Variants in GTPBP6 observed in about 807,000 individuals in gnomAD.
GTPBP6 encodes the protein putative GTP-binding protein 6.
Under a neutral mutation model 28.9 loss-of-function variants are expected in GTPBP6, and 33 were observed. The observed-to-expected ratio is 1.14, with a 90% confidence interval of 0.87 to 1.53. The LOEUF is 1.53. Ranked by LOEUF, GTPBP6 falls within the 40% of genes most tolerant of loss-of-function variation. The pLI, the probability that GTPBP6 is intolerant of heterozygous loss-of-function variation, is 0.00. For missense variants in GTPBP6, 507 were observed against 408.3 expected (o/e 1.24, Z -2.08); for synonymous variants, 231 against 192.7 (o/e 1.20, Z -1.65).
At chrX:313,761 C>G (rs772072469) in intron 5 of GTPBP6, among the ~76,000 whole-genome samples, 72 of 152,258 alleles carry the variant, frequency 4.7e-4, no homozygotes, top group African/African-American at 1.7e-3. Flanking sequence ...ATGCCTGGAG[C>G]CCCCAGGAGC....
At chrX:311,740 G>A (rs1046683849) in intron 6 of GTPBP6, 113 bp from the exon 7 acceptor site, 27 of 841,868 alleles carry the variant, frequency 3.2e-5, no homozygotes, top group African/African-American at 2.0e-4. Flanking sequence ...GCCGCACCCC[G>A]GGCTACACGG....
At position 311,545 on chromosome X, in the gene GTPBP6, C is replaced by T. The variant is rs201868011; in HGVS notation, c.999G>A (p.Thr333=). The T allele has an allele frequency of 3.9e-4, 628 of 1,612,302 alleles. 7 individuals are homozygous for T. The South Asian group carries it at 4.0e-3, about 10-fold the overall frequency. Residue 333 remains threonine, a synonymous_variant, in exon 7 of 10, where the codon ACG becomes ACA. Coordinates refer to ENST00000326153, the Ensembl canonical transcript of GTPBP6. ...GTGAGGGCAGCGTGCCCGCGTGGGC[C>T]GTGACGTCCAGCGTGGCAAACAGCT...
At chrX:305,084 A>G in exon 10 of GTPBP6, 1 of 1,613,086 alleles carries the variant, frequency 6.2e-7, no homozygotes. Flanking sequence ...TCATCCTGGA[A>G]AGAGCTTCCG....
rs747391529 is a variant in GTPBP6 at position 308,934 on chromosome X, G to A, written c.1126-1054C>T. Among the ~76,000 whole-genome samples, 836 of 151,716 alleles carry A rather than the reference G, an allele frequency of 5.5e-3. 5 individuals carry two copies. Among genetic ancestry groups the A allele is most frequent in the Middle Eastern group, 0.017 (5 of 292 alleles). On this transcript the variant is annotated intron_variant, in intron 7 of 9. Coordinates refer to ENST00000326153, the Ensembl canonical transcript of GTPBP6. ...ATATTTTTAGTAGAGACGGGATTTC[G>A]CCGTGGTCTCGATCTCCTGACCTGA...
At chrX:310,178 G>C (rs1392473492) in intron 7 of GTPBP6, among the ~76,000 whole-genome samples, 1 of 148,980 alleles carries the variant, frequency 6.7e-6, no homozygotes, top group Non-Finnish European at 1.5e-5. Flanking sequence ...TTTGGAAACA[G>C]GGTCTCTGCA....
intron 9 of GTPBP6, 75 bp from the exon 10 acceptor site, chrX:305,272 C>T (rs28609216): frequency 2.6e-5 from 30 of 1,160,318 alleles, no homozygotes; most frequent in Middle Eastern, 3.9e-4. Flanking sequence ...TAAATAATTA[C>T]GCTAAAAAGA....
At chrX:317,819 GC>G (rs2070468411) in intron 1 of GTPBP6, among the ~76,000 whole-genome samples, 1 of 94,038 alleles carries the variant, frequency 1.1e-5, no homozygotes, top group Non-Finnish European at 2.3e-5. Flanking sequence ...CTCCCCCGAA[GC>G]CCCGCCCACG....
chrX:314,941 C>T (rs1415745623), exon 4 of GTPBP6: 14 of 398,726 alleles, frequency 3.5e-5, no homozygotes, highest in Middle Eastern at 6.3e-4. Context: ...CTCCTTCGTG[C>T]GGGCGTTACA....
chrX:311,684 G>A (rs756775898), intron 6 of GTPBP6, 57 bp from the exon 7 acceptor site: 69 of 1,383,968 alleles, frequency 5.0e-5, no homozygotes, highest in South Asian at 3.2e-4. Context: ...AACTCCTAGC[G>A]CCGCAGCCAG....
chrX:310,069 C>T (rs2070253095), intron 7 of GTPBP6, among the ~76,000 whole-genome samples: 1 of 128,184 alleles, frequency 7.8e-6, no homozygotes, highest in Admixed American at 7.6e-5. Flanking sequence ...CCTAGAGCCT[C>T]CAGAAGGAAC....
At chrX:313,491 G>A (rs1264826243) in intron 5 of GTPBP6, among the ~76,000 whole-genome samples, 1 of 150,796 alleles carries the variant, frequency 6.6e-6, no homozygotes, top group South Asian at 2.1e-4. Context: ...GTGGATACAA[G>A]TGTAGCGGAT....
chrX:318,391 C>G lies in GTPBP6; in HGVS notation c.349+48G>C, dbSNP rs2070479736. The G allele has an allele frequency of 1.0e-5, 4 of 398,356 alleles. No homozygotes were observed. In the East Asian group the frequency reaches 1.4e-4, roughly 14 times the overall value. The allele number at this position is 398,356 out of a possible 1,614,324, so 24.7% of individuals were successfully genotyped here. On this transcript the variant is annotated intron_variant, in intron 1 of 9. Transcript: ENST00000326153. ...GCCCCCTCCCCTCAGAGCCCCGCCC[C>G]CAGGTCTCCAGCTCCTGTTTCTCCC...
Position 316,340 on chromosome X carries a change from GACACACAC to G in GTPBP6, c.487+566_487+573del, listed in dbSNP as rs1168593634. On this transcript the variant is annotated intron_variant, in intron 2 of 9. Coordinates refer to ENST00000326153, the Ensembl canonical transcript of GTPBP6. The stretch of plus-strand genomic sequence containing the variant: ...TGCACCGTGGACACATCCCATTGGG[GACACACAC>G]ACACACACACACACACAGGGTGAAC... Among the ~76,000 whole-genome samples the G allele has an allele frequency of 7.4e-5, 7 of 94,862 alleles. No homozygotes were observed. The South Asian group carries it at 1.3e-3, about 18-fold the overall frequency. 62.2% of individuals were successfully genotyped at this position (94,862 alleles called of 152,430 possible).
At chrX:305,160 C>T (rs775678594) in exon 10 of GTPBP6, 14 of 1,613,576 alleles carry the variant, frequency 8.7e-6, no homozygotes, top group Admixed American at 1.7e-5. Context: ...TCAGGGATCA[C>T]GTCCACCTCC....
At chrX:318,071 G>C (rs1168787234) in intron 1 of GTPBP6, among the ~76,000 whole-genome samples, 1 of 127,752 alleles carries the variant, frequency 7.8e-6, no homozygotes, top group African/African-American at 3.1e-5. Context: ...CCGCCCCTAC[G>C]TCGCCACCTG....
At chrX:313,253 C>G (rs776094764) in intron 5 of GTPBP6, among the ~76,000 whole-genome samples, 1 of 152,240 alleles carries the variant, frequency 6.6e-6, no homozygotes, top group Non-Finnish European at 1.5e-5. Context: ...TCAGTGGGGC[C>G]CCTTTCACAT....
rs1175616422 is a variant in GTPBP6 at position 306,554 on chromosome X, G to C, written c.1427+806C>G. Among the ~76,000 whole-genome samples the C allele has an allele frequency of 2.0e-5, 3 of 150,354 alleles. No individual in the cohort carries two copies. In the Admixed American group the frequency reaches 2.0e-4, roughly 10 times the overall value. On this transcript the variant is annotated intron_variant, in intron 9 of 9. Coordinates refer to ENST00000326153, the Ensembl canonical transcript of GTPBP6. ...TGTCAGCACAGATTAGGCAACTGTT[G>C]TATGCAGTCAGAAATGTATTTTTAC...
At chrX:312,686 G>T in intron 6 of GTPBP6, 80 bp downstream of exon 6, 1 of 1,416,234 alleles carries the variant, frequency 7.1e-7, no homozygotes, top group Non-Finnish European at 9.8e-7. Flanking sequence ...AGACGACAGG[G>T]ACCCCCTGCC....
exon 3 of GTPBP6, chrX:315,246 T>A (rs1369038517): frequency 2.5e-6 from 1 of 398,408 alleles, no homozygotes; most frequent in Non-Finnish European, 4.4e-6. Context: ...GGGGCAGCCA[T>A]CCTCTCCACG....
Sources: gnomAD v4.1 joint callset for allele counts (sites outside exome capture counted in the v4.1 genomes callset) on GRCh38, gnomAD v4.1.1 for gene constraint, MANE v1.5 for transcripts, NCBI Gene and HGNC (gene_info 2026-07-23, HGNC 2026-07-21) for gene names.